The following DIP2B variants were observed in gnomAD, a reference collection of about 807,000 sequenced individuals.
The protein encoded by DIP2B is disco-interacting protein 2 homolog B.
DIP2B carries 76 observed loss-of-function variants against 198.0 expected under a neutral mutation model. The observed-to-expected ratio is 0.38, with a 90% CI of 0.32 to 0.46. DIP2B has a LOEUF of 0.46. Among genes scored for constraint, DIP2B ranks in the 20% least tolerant of loss-of-function variants. The pLI, the probability that DIP2B is intolerant of heterozygous loss-of-function variation, is 0.99. For missense variants in DIP2B, 1,559 were observed against 1,978.4 expected (o/e 0.79, Z 4.02); for synonymous variants, 701 against 739.1 (o/e 0.95, Z 0.84).
At chr12:50,666,919 C>G (rs948008828) in intron 4 of DIP2B, among the ~76,000 whole-genome samples, 1 of 152,052 alleles carries the variant, frequency 6.6e-6, no homozygotes, top group African/African-American at 2.4e-5. Context: ...CTACTCGGGA[C>G]GCTGAGGCAG....
chr12:50,548,498 A>G (rs1958396529), intron 1 of DIP2B, among the ~76,000 whole-genome samples: 1 of 152,052 alleles, frequency 6.6e-6, no homozygotes, highest in African/African-American at 2.4e-5. Context: ...ATTGGCATAC[A>G]TTTTTATTTT....
At chr12:50,595,066 A>T (rs1055393726) in intron 1 of DIP2B, among the ~76,000 whole-genome samples, 2 of 152,212 alleles carry the variant, frequency 1.3e-5, no homozygotes, top group Admixed American at 6.5e-5. Flanking sequence ...TTTAAAAATG[A>T]TTTTCATACT....
intron 4 of DIP2B, among the ~76,000 whole-genome samples, chr12:50,662,094 C>A (rs1363701811): frequency 2.0e-5 from 3 of 152,216 alleles, no homozygotes; most frequent in African/African-American, 7.2e-5. Context: ...CCTCTGTCTG[C>A]AGCCTTGACG....
intron 31 of DIP2B, 53 bp downstream of exon 31, chr12:50,731,590 GC>G (rs1940043535): frequency 6.4e-7 from 1 of 1,562,420 alleles, no homozygotes; most frequent in South Asian, 1.2e-5. Context: ...GAAGAAATGC[GC>G]CAGGACGTAA....
intron 23 of DIP2B, among the ~76,000 whole-genome samples, chr12:50,715,315 T>G (rs1939694181): frequency 6.6e-6 from 1 of 152,216 alleles, no homozygotes; most frequent in East Asian, 1.9e-4. Context: ...GTGGATCTGC[T>G]TGGCTTGGCT....
chr12:50,719,415 C>T (rs1398838834), intron 25 of DIP2B, among the ~76,000 whole-genome samples: 3 of 152,158 alleles, frequency 2.0e-5, no homozygotes, highest in African/African-American at 7.2e-5. Context: ...TGACCTTAGA[C>T]CAGCATTTTA....
intron 32 of DIP2B, 101 bp from the exon 33 acceptor site, chr12:50,734,034 T>G: frequency 1.6e-6 from 2 of 1,225,566 alleles, no homozygotes; most frequent in Non-Finnish European, 2.4e-6. Flanking sequence ...GTGAAAAGAG[T>G]GTGGATTTTT....
Position 50,527,965 on chromosome 12 carries a change from TCACCCAGGCTGGA to T in DIP2B, c.100+22726_100+22738del, listed in dbSNP as rs1958181399. The stretch of plus-strand genomic sequence containing the variant: ...TTTTTGGAGACAGAGTCTTAGTCTG[TCACCCAGGCTGGA>T]GTACAGTAGTGTAATCACGGCTCAC... On this transcript the variant is annotated intron_variant, in intron 1 of 37. Transcript: ENST00000301180. Among the ~76,000 whole-genome samples, 3 of 151,044 alleles carry T rather than the reference TCACCCAGGCTGGA, an allele frequency of 2.0e-5. No individual in the cohort carries two copies. In the South Asian group the frequency reaches 6.3e-4, roughly 32 times the overall value.
chr12:50,710,786 A>G (rs772651482), intron 22 of DIP2B, among the ~76,000 whole-genome samples: 3 of 152,190 alleles, frequency 2.0e-5, no homozygotes, highest in Non-Finnish European at 2.9e-5. Flanking sequence ...TTATCAGCTG[A>G]TACTGTGTAG....
At chr12:50,591,219 A>G (rs1339104421) in intron 1 of DIP2B, among the ~76,000 whole-genome samples, 1 of 152,254 alleles carries the variant, frequency 6.6e-6, no homozygotes, top group Non-Finnish European at 1.5e-5. Context: ...TTCAAAGAGC[A>G]GGAATTCAAT....
intron 28 of DIP2B, 117 bp from the exon 29 acceptor site, chr12:50,727,586 G>A (rs532695404): frequency 2.3e-5 from 20 of 853,548 alleles, no homozygotes; most frequent in African/African-American, 1.2e-4. Context: ...AATATGAGAG[G>A]CCTAAGCTTT....
intron 1 of DIP2B, among the ~76,000 whole-genome samples, chr12:50,598,233 A>G (rs935723733): frequency 1.3e-5 from 2 of 152,222 alleles, no homozygotes; most frequent in Non-Finnish European, 2.9e-5. Flanking sequence ...AATTAAGGTA[A>G]TAAGGATGAT....
At chr12:50,686,751 T>C (rs1939137814) in intron 12 of DIP2B, 69 bp downstream of exon 12, 1 of 1,450,106 alleles carries the variant, frequency 6.9e-7, no homozygotes, top group Non-Finnish European at 9.4e-7. Flanking sequence ...TTTCAAAATA[T>C]AAAACTGAAT....
At position 50,695,888 on chromosome 12, in the gene DIP2B, T is replaced by G; in HGVS notation, c.1854T>G (p.Ala618=). 6.2e-7 allele frequency: 1 copy of G among 1,614,164 alleles called. No homozygotes were observed. The highest frequency in any genetic ancestry group is 8.5e-7 in the Non-Finnish European group (1 of 1,179,962). ...ALVKCRDLHW[A]MMAHRDQRDV... ...TAAAATGTCGGGACTTGCACTGGGC[T>G]ATGATGGCACATCGGGACCAAAGAG... is the stretch of plus-strand genomic sequence containing the variant. Residue 618 remains alanine, a synonymous_variant, in exon 16 of 38, where the codon GCT becomes GCG. Coordinates refer to ENST00000301180, the MANE Select transcript of DIP2B (RefSeq NM_173602.3).
intron 22 of DIP2B, among the ~76,000 whole-genome samples, chr12:50,709,109 C>T (rs1030548083): frequency 7.9e-5 from 12 of 152,358 alleles, no homozygotes; most frequent in African/African-American, 2.6e-4. Flanking sequence ...CACTTAGAAT[C>T]ATAGACTTGG....
chr12:50,572,852 T>G (rs1166945217), intron 1 of DIP2B, among the ~76,000 whole-genome samples: 3 of 152,200 alleles, frequency 2.0e-5, no homozygotes, highest in African/African-American at 7.2e-5. Context: ...CATGGAGCAT[T>G]ATGATCCAGC....
intron 1 of DIP2B, among the ~76,000 whole-genome samples, chr12:50,507,344 T>C (rs1241112346): frequency 6.6e-6 from 1 of 152,202 alleles, no homozygotes; most frequent in Non-Finnish European, 1.5e-5. Context: ...TTGCTTAAAG[T>C]ACAGGGGATG....
chr12:50,594,355 C>A (rs540532105), intron 1 of DIP2B, among the ~76,000 whole-genome samples: 1 of 152,278 alleles, frequency 6.6e-6, no homozygotes, highest in Admixed American at 6.5e-5. Context: ...TGAACCATGA[C>A]ATCTTTAGCT....
chr12:50,517,886 G>A (rs114166127), intron 1 of DIP2B, among the ~76,000 whole-genome samples: 206 of 152,182 alleles, frequency 1.4e-3, no homozygotes, highest in African/African-American at 4.7e-3. Flanking sequence ...GTTAACTTCT[G>A]TTTCGTTCCA....
Sources: gnomAD v4.1 joint callset for allele counts (sites outside exome capture counted in the v4.1 genomes callset) on GRCh38, gnomAD v4.1.1 for gene constraint, MANE v1.5 for transcripts, NCBI Gene and HGNC (gene_info 2026-07-23, HGNC 2026-07-21) for gene names.